The following NT5DC3 variants were observed in gnomAD, a reference collection of about 807,000 sequenced individuals.
NT5DC3 encodes the protein 5'-nucleotidase domain containing 3, also known as 5'-nucleotidase domain-containing protein 3.
A neutral mutation model predicts 67.8 loss-of-function variants in NT5DC3; 42 were observed. The ratio of observed to expected loss-of-function variants is 0.62; its 90% CI spans 0.48 to 0.80. The LOEUF is 0.80. NT5DC3 is among the 30% of genes least tolerant of loss of function. The pLI, the probability that NT5DC3 is intolerant of heterozygous loss-of-function variation, is 0.00. For missense variants in NT5DC3, 570 were observed against 696.4 expected, an observed-to-expected ratio of 0.82 and a Z score of 2.04; for synonymous variants, 237 against 255.6, an observed-to-expected ratio of 0.93 and a Z score of 0.69.
At chr12:103,759,219 A>G in the NT5DC3 span, 2 of 1,614,170 alleles carry the variant, frequency 1.2e-6, no homozygotes, top group Admixed American at 3.3e-5. Context: ...CCACCCTGCA[A>G]ACGAGGCTGG....
the NT5DC3 span, chr12:103,763,697 C>A: frequency 3.3e-6 from 4 of 1,196,780 alleles, no homozygotes; most frequent in African/African-American, 1.5e-5. Context: ...ATCTTTGTAC[C>A]AAAGAAGGTT....
chr12:103,805,671 C>T (rs940591769), intron 4 of NT5DC3, among the ~76,000 whole-genome samples: 9 of 151,870 alleles, frequency 5.9e-5, no homozygotes, highest in Admixed American at 2.6e-4. Context: ...TATGGTGAAA[C>T]CCTGTCTCTA....
the NT5DC3 span, chr12:103,753,224 C>T: frequency 1.9e-6 from 3 of 1,613,842 alleles, no homozygotes; most frequent in Admixed American, 5.0e-5. Flanking sequence ...ATCCAGATAC[C>T]ACTGTTGGGG....
intron 6 of NT5DC3, 46 bp downstream of exon 6, chr12:103,796,848 A>G (rs1203657864): frequency 3.7e-6 from 6 of 1,605,206 alleles, no homozygotes; most frequent in Admixed American, 1.7e-5. Context: ...CCCACTGAAA[A>G]GGCTGAAACA....
At chr12:103,767,526 A>C (rs1885036045), downstream of NT5DC3, among the ~76,000 whole-genome samples, 1 of 152,212 alleles carries the variant, frequency 6.6e-6, no homozygotes, top group East Asian at 1.9e-4. Context: ...GTACACTTTA[A>C]AACAGTGAAT....
Position 103,787,438 on chromosome 12 carries a change from C to T in NT5DC3, c.1188+3G>A, listed in dbSNP as rs749173077. ...CCCAACAAAGGAAAAAAGGGCCCCT[C>T]ACCGCCAGGTCACTGTATATATGGT... is the stretch of plus-strand genomic sequence containing the variant. On this transcript the variant is annotated splice_donor_region_variant and intron_variant, in intron 11 of 13. Transcript: ENST00000392876. 1.8e-5 allele frequency: 27 copies of T among 1,536,510 alleles called. No homozygotes were observed. Among genetic ancestry groups the T allele is most frequent in the South Asian group, 1.3e-5 (1 of 76,760 alleles).
chr12:103,762,496 C>T, the NT5DC3 span: 986 of 1,583,816 alleles, frequency 6.2e-4, 4 homozygotes, highest in African/African-American at 0.011. Context: ...GCGCCAGAGT[C>T]CTCACCCAGA....
intron 1 of NT5DC3, among the ~76,000 whole-genome samples, chr12:103,831,031 G>C (rs1887902089): frequency 6.6e-6 from 1 of 152,136 alleles, no homozygotes; most frequent in Admixed American, 6.5e-5. Flanking sequence ...GCTTCTACCA[G>C]GAGTCCCAGA....
chr12:103,765,003 G>A, the NT5DC3 span, among the ~76,000 whole-genome samples: 10 of 144,550 alleles, frequency 6.9e-5, no homozygotes, highest in African/African-American at 1.0e-4. Context: ...CAACAGAATC[G>A]CTTGAACTGG....
chr12:103,810,520 G>C (rs1399735849), intron 2 of NT5DC3, among the ~76,000 whole-genome samples: 1 of 152,212 alleles, frequency 6.6e-6, no homozygotes, highest in Non-Finnish European at 1.5e-5. Flanking sequence ...GAGATAACTG[G>C]TATCCCTAAA....
At chr12:103,827,580 T>C (rs1178799406) in intron 1 of NT5DC3, among the ~76,000 whole-genome samples, 1 of 152,226 alleles carries the variant, frequency 6.6e-6, no homozygotes, top group Non-Finnish European at 1.5e-5. Flanking sequence ...CATCTCTACA[T>C]ACAAATTAAA....
chr12:103,766,070 C>T (rs761142378), downstream of NT5DC3: 59 of 684,888 alleles, frequency 8.6e-5, no homozygotes, highest in East Asian at 4.6e-4. Context: ...TGTCTTGGGC[C>T]ACCCAGCTTC....
chr12:103,828,191 T>C (rs1001383355), intron 1 of NT5DC3, among the ~76,000 whole-genome samples: 4 of 152,168 alleles, frequency 2.6e-5, no homozygotes, highest in Non-Finnish European at 5.9e-5. Context: ...GGAAGGGGAA[T>C]CAAAAGTACT....
At chr12:103,748,866 C>T in the NT5DC3 span, 1 of 1,330,946 alleles carries the variant, frequency 7.5e-7, no homozygotes, top group Non-Finnish European at 1.0e-6. Context: ...CATTTACTCA[C>T]CCAACACCAC....
At chr12:103,823,257 C>G (rs1263245909) in intron 1 of NT5DC3, among the ~76,000 whole-genome samples, 1 of 151,546 alleles carries the variant, frequency 6.6e-6, no homozygotes, top group African/African-American at 2.4e-5. Context: ...CCTCCATTCT[C>G]CACTACCCTC....
intron 9 of NT5DC3, among the ~76,000 whole-genome samples, chr12:103,789,377 T>C (rs917026109): frequency 2.0e-5 from 3 of 152,098 alleles, no homozygotes; most frequent in East Asian, 3.9e-4. Flanking sequence ...TGAGTGGAGA[T>C]TGTGCCACTG....
chr12:103,840,133 TTCCCA>T (rs1888316833), intron 1 of NT5DC3, among the ~76,000 whole-genome samples: 1 of 152,172 alleles, frequency 6.6e-6, no homozygotes, highest in Non-Finnish European at 1.5e-5. Flanking sequence ...AGTCTCGCCT[TTCCCA>T]TCTATAGAAT....
At chr12:103,815,595 T>C (rs116820502) in intron 1 of NT5DC3, among the ~76,000 whole-genome samples, 6,621 of 152,100 alleles carry the variant, frequency 0.044, 334 homozygotes, top group East Asian at 0.18. Context: ...CTAATTTTTG[T>C]AATTTTTGTA....
the NT5DC3 span, chr12:103,761,392 A>AT: frequency 6.2e-7 from 1 of 1,613,682 alleles, no homozygotes; most frequent in Non-Finnish European, 8.5e-7. Context: ...GGCCTTTAAA[A>AT]GCACCCCCTG....
Sources: allele counts gnomAD v4.1 joint callset (sites outside exome capture counted in the v4.1 genomes callset), GRCh38; gene constraint gnomAD v4.1.1; transcripts MANE v1.5; gene names NCBI Gene and HGNC (gene_info 2026-07-23, HGNC 2026-07-21).